The following ANO4 variants were observed in gnomAD, a reference collection of about 807,000 sequenced individuals.
The protein encoded by ANO4 is anoctamin-4.
Under a neutral mutation model 141.9 loss-of-function variants are expected in ANO4, and 69 were observed. That is an observed-to-expected ratio of 0.49 (90% CI 0.40 to 0.59). The LOEUF (loss-of-function observed/expected upper bound fraction) is 0.59, where lower values mean the gene tolerates loss of function less well. ANO4 is among the 20% of genes least tolerant of loss of function. The pLI is 0.00. For missense variants in ANO4, 894 were observed against 1,162.2 expected (o/e 0.77, Z 3.36); for synonymous variants, 350 against 394.3 (o/e 0.89, Z 1.33).
At chr12:100,919,839 A>G (rs898239819) in intron 2 of ANO4, among the ~76,000 whole-genome samples, 1 of 151,470 alleles carries the variant, frequency 6.6e-6, no homozygotes, top group Non-Finnish European at 1.5e-5. Flanking sequence ...ATAAACGAGC[A>G]TTTTCCCACA....
rs116028028 is a variant in ANO4 at position 100,873,919 on chromosome 12, C to T, written c.-140-27727C>T. On this transcript the variant is annotated intron_variant, in intron 1 of 27. Coordinates refer to ENST00000392977, the MANE Select transcript of ANO4 (RefSeq NM_001286615.2). Reference sequence around the variant, plus strand: ...GTTTTGCGGACTGGGCCCAGGGCCCCGCTGACCTGCGCTACCTCAGGACAC... The same window carrying T: ...GTTTTGCGGACTGGGCCCAGGGCCCTGCTGACCTGCGCTACCTCAGGACAC... Among the ~76,000 whole-genome samples the T allele has an allele frequency of 9.5e-4, 144 of 152,330 alleles. 1 individual carries two copies. Among genetic ancestry groups the T allele is most frequent in the African/African-American group, 3.3e-3 (138 of 41,582 alleles).
intron 8 of ANO4, among the ~76,000 whole-genome samples, chr12:101,014,253 A>G (rs1039391328): frequency 1.3e-5 from 2 of 152,172 alleles, no homozygotes; most frequent in Non-Finnish European, 2.9e-5. Flanking sequence ...GAACCTATCA[A>G]TCAGAGCAAA....
chr12:101,068,621 G>C (rs2048689652), intron 14 of ANO4: 3 of 1,388,276 alleles, frequency 2.2e-6, no homozygotes, highest in African/African-American at 2.8e-5. Context: ...CTTTTTACTG[G>C]AGTTAAGGAG....
intron 8 of ANO4, among the ~76,000 whole-genome samples, chr12:100,993,619 C>T (rs1487411006): frequency 6.6e-6 from 1 of 152,102 alleles, no homozygotes; most frequent in Non-Finnish European, 1.5e-5. Flanking sequence ...TTCATGTAGT[C>T]ATTCAGGTAC....
intron 1 of ANO4, among the ~76,000 whole-genome samples, chr12:100,730,053 G>C (rs2031318883): frequency 6.6e-6 from 1 of 151,742 alleles, no homozygotes; most frequent in African/African-American, 2.4e-5. Flanking sequence ...CTCTCTCTCT[G>C]ATTGTATACA....
intron 24 of ANO4, among the ~76,000 whole-genome samples, chr12:101,112,704 A>C (rs2137023276): frequency 6.6e-6 from 1 of 152,330 alleles, no homozygotes; most frequent in Non-Finnish European, 1.5e-5. Flanking sequence ...AACTGAACTC[A>C]TGCAAACCTG....
chr12:101,022,596 A>G (rs1484305403), intron 9 of ANO4, among the ~76,000 whole-genome samples: 2 of 152,226 alleles, frequency 1.3e-5, no homozygotes, highest in South Asian at 2.1e-4. Flanking sequence ...TTCAGTTAAC[A>G]TTGTACCATA....
intron 12 of ANO4, 26 bp downstream of exon 12, chr12:101,042,494 G>C: frequency 6.2e-7 from 1 of 1,613,650 alleles, no homozygotes; most frequent in Non-Finnish European, 8.5e-7. Context: ...GGATGAGTTT[G>C]CCTTTGTTTA....
chr12:100,806,360 G>C (rs939817480), intron 1 of ANO4, among the ~76,000 whole-genome samples: 11 of 152,012 alleles, frequency 7.2e-5, no homozygotes, highest in African/African-American at 2.7e-4. Context: ...TTGCTAATCT[G>C]CTGGGTGAAA....
chr12:100,755,388 T>G (rs1012630751), intron 3 of ANO4, among the ~76,000 whole-genome samples: 1 of 152,166 alleles, frequency 6.6e-6, no homozygotes, highest in Non-Finnish European at 1.5e-5. Flanking sequence ...TAGCACCTTA[T>G]TCAGATGATT....
chr12:101,017,540 CAA>C (rs144722577), intron 8 of ANO4, among the ~76,000 whole-genome samples: 15,316 of 152,126 alleles, frequency 0.1, 978 homozygotes, highest in East Asian at 0.2. Flanking sequence ...AACCTGGAAA[CAA>C]GAGCAATCTG....
rs200363182 is a variant in ANO4, at chr12:100,734,092, C to T, written c.106+235C>T. 2.0e-5 allele frequency among the ~76,000 whole-genome samples: 3 copies of T among 152,332 alleles called. No homozygotes were observed. In the East Asian group the frequency reaches 5.8e-4, roughly 29 times the overall value. ...TGTCCAGGGAGATAAGAAGTCATCT[C>T]TTGTTCCCAGATCTTCATCATTTGC... On this transcript the variant is annotated intron_variant, in intron 2 of 29. Transcript: ENST00000644049.
chr12:100,997,399 T>C (rs1029343576), intron 8 of ANO4, among the ~76,000 whole-genome samples: 1 of 149,774 alleles, frequency 6.7e-6, no homozygotes, highest in Non-Finnish European at 1.5e-5. Flanking sequence ...GCCACATAAA[T>C]GGAGCCTAAA....
intron 5 of ANO4, among the ~76,000 whole-genome samples, chr12:100,948,036 C>CA (rs933587187): frequency 1.4e-4 from 21 of 147,344 alleles, no homozygotes; most frequent in South Asian, 2.2e-4. Flanking sequence ...ACAACAACAA[C>CA]AAAAAAAATT....
exon 3 of ANO4, chr12:100,739,939 T>C (rs762238124): frequency 6.7e-5 from 47 of 702,510 alleles, no homozygotes; most frequent in Non-Finnish European, 1.2e-4. Flanking sequence ...TCCCATCAGA[T>C]CTGCCTCTCT....
At chr12:100,947,140 A>G (rs2042759250) in intron 5 of ANO4, among the ~76,000 whole-genome samples, 1 of 152,158 alleles carries the variant, frequency 6.6e-6, no homozygotes, top group East Asian at 1.9e-4. Flanking sequence ...GAGAAATAGA[A>G]TGATAACTGG....
chr12:101,008,906 G>T (rs1291964013), intron 8 of ANO4, among the ~76,000 whole-genome samples: 1 of 151,996 alleles, frequency 6.6e-6, no homozygotes, highest in African/African-American at 2.4e-5. Context: ...GATATCCTAG[G>T]ATTCTCTTTG....
intron 9 of ANO4, among the ~76,000 whole-genome samples, chr12:101,028,380 A>T (rs1246688436): frequency 6.6e-6 from 1 of 152,184 alleles, no homozygotes; most frequent in Non-Finnish European, 1.5e-5. Context: ...AAAAAACTCC[A>T]CTGAGCTCTA....
At chr12:101,037,614 C>G (rs891657339) in intron 10 of ANO4, among the ~76,000 whole-genome samples, 1 of 152,182 alleles carries the variant, frequency 6.6e-6, no homozygotes, top group African/African-American at 2.4e-5. Context: ...TCATTGTTCA[C>G]CTAAGATGTA....
Sources: allele counts gnomAD v4.1 joint callset (sites outside exome capture counted in the v4.1 genomes callset), GRCh38; gene constraint gnomAD v4.1.1; transcripts MANE v1.5; gene names NCBI Gene and HGNC (gene_info 2026-07-23, HGNC 2026-07-21).